Variants in NEK10 observed in about 807,000 individuals in gnomAD.
NEK10 encodes the protein serine/threonine-protein kinase Nek10.
NEK10 carries 122 observed loss-of-function variants against 159.8 expected under a neutral mutation model. The ratio of observed to expected loss-of-function variants is 0.76; its 90% CI spans 0.66 to 0.89. The LOEUF (loss-of-function observed/expected upper bound fraction) is 0.89, where lower values mean the gene tolerates loss of function less well. Ranked by LOEUF, NEK10 falls within the 40% of genes least tolerant of loss-of-function variation. The pLI, the probability that NEK10 is intolerant of heterozygous loss-of-function variation, is 0.00. For missense variants in NEK10, 1,342 were observed against 1,323.1 expected (o/e 1.01, Z -0.22); for synonymous variants, 466 against 457.1 (o/e 1.02, Z -0.25).
chr3:27,309,071 C>A, intron 9 of NEK10, 66 bp from the exon 10 acceptor site: 5 of 759,554 alleles, frequency 6.6e-6, no homozygotes, highest in Non-Finnish European at 1.1e-5. Context: ...TCAACATTAA[C>A]ATTAATTTAT....
At chr3:27,356,928 T>C (rs943855332) in intron 1 of NEK10, among the ~76,000 whole-genome samples, 1 of 152,204 alleles carries the variant, frequency 6.6e-6, no homozygotes, top group African/African-American at 2.4e-5. Flanking sequence ...CAGCACATAG[T>C]GCATGACACA....
chr3:27,128,855 G>A (rs776267597), intron 32 of NEK10, among the ~76,000 whole-genome samples: 1 of 152,074 alleles, frequency 6.6e-6, no homozygotes, highest in Non-Finnish European at 1.5e-5. Context: ...ATCTTGTACA[G>A]TTCCTGCTCT....
intron 23 of NEK10, among the ~76,000 whole-genome samples, chr3:27,223,241 TTTCC>T (rs1952296489): frequency 6.6e-6 from 1 of 152,202 alleles, no homozygotes; most frequent in African/African-American, 2.4e-5. Context: ...TCAACGGCTC[TTTCC>T]TGTCTGGAAA....
intron 1 of NEK10, among the ~76,000 whole-genome samples, chr3:27,357,672 T>C (rs1461917165): frequency 6.6e-6 from 1 of 152,246 alleles, no homozygotes; most frequent in East Asian, 1.9e-4. Context: ...CTTTATCTGC[T>C]CATGGACCAG....
intron 1 of NEK10, among the ~76,000 whole-genome samples, chr3:27,365,920 C>CATGT (rs2049048822): frequency 6.6e-6 from 1 of 151,980 alleles, no homozygotes. Flanking sequence ...AATCATGATA[C>CATGT]ATATCAGGCA....
intron 32 of NEK10, among the ~76,000 whole-genome samples, chr3:27,120,145 A>G (rs1164401128): frequency 6.6e-6 from 1 of 152,194 alleles, no homozygotes; most frequent in African/African-American, 2.4e-5. Context: ...AAAAATGAAT[A>G]TAAAAATACT....
chr3:27,163,363 T>C (rs1470857271), intron 29 of NEK10, among the ~76,000 whole-genome samples: 1 of 152,058 alleles, frequency 6.6e-6, no homozygotes, highest in Non-Finnish European at 1.5e-5. Context: ...ATTTTTCTTT[T>C]TTTTTTTGAG....
At chr3:27,339,320 A>C (rs2047034892) in intron 5 of NEK10, among the ~76,000 whole-genome samples, 1 of 152,238 alleles carries the variant, frequency 6.6e-6, no homozygotes, top group Non-Finnish European at 1.5e-5. Flanking sequence ...TCTAATATCC[A>C]GAATCTACAA....
rs372553002 is a variant in NEK10, at chr3:27,284,495, T to C, written c.2014+107A>G. The C allele has an allele frequency of 3.7e-5, 25 of 681,006 alleles. No individual in the cohort carries two copies. The East Asian group carries it at 4.7e-4, about 13-fold the overall frequency. The allele number at this position is 681,006 out of a possible 1,614,324, so 42.2% of individuals were successfully genotyped here. ...CTAGTGGCTACTGTATTGGACAGCA[T>C]AGACAAAGAACATTCCCATGAGTGC... On this transcript the variant is annotated intron_variant, in intron 22 of 35. Transcript: ENST00000691995.
In NEK10 at chr3:27,311,996, A is replaced by C. The variant is rs375657205; in HGVS notation, c.568+103T>G. ...CTCAACACCTGAGCTGTGTGTGCGAACATTAATAAATATTTAAAGTATCCT... is the reference window on the plus strand; with the variant it reads ...CTCAACACCTGAGCTGTGTGTGCGACCATTAATAAATATTTAAAGTATCCT... On this transcript the variant is annotated intron_variant, in intron 8 of 35. Transcript: ENST00000691995. The C allele has an allele frequency of 1.5e-4, 112 of 768,872 alleles. 1 individual carries two copies. The African/African-American group carries it at 1.6e-3, about 11-fold the overall frequency. The allele number at this position is 768,872 out of a possible 1,614,324, so 47.6% of individuals were successfully genotyped here.
chr3:27,139,743 G>C (rs532962911), intron 31 of NEK10, among the ~76,000 whole-genome samples: 1 of 152,246 alleles, frequency 6.6e-6, no homozygotes, highest in East Asian at 1.9e-4. Context: ...GAGCTTCTCT[G>C]GCATGTAAAG....
At chr3:27,275,761 A>AT (rs2041723959) in intron 22 of NEK10, among the ~76,000 whole-genome samples, 1 of 152,116 alleles carries the variant, frequency 6.6e-6, no homozygotes, top group African/African-American at 2.4e-5. Context: ...AATGACACAA[A>AT]TTTCTCAGCC....
At chr3:27,323,916 C>T (rs557273260) in intron 5 of NEK10, among the ~76,000 whole-genome samples, 1 of 152,302 alleles carries the variant, frequency 6.6e-6, no homozygotes, top group African/African-American at 2.4e-5. Flanking sequence ...CTAGCAGCTA[C>T]TCAAATATAT....
chr3:27,213,920 C>A (rs1280622830), intron 23 of NEK10, among the ~76,000 whole-genome samples: 1 of 152,156 alleles, frequency 6.6e-6, no homozygotes, highest in Admixed American at 6.5e-5. Flanking sequence ...TTTTTCTGAT[C>A]CTGAAGAGAT....
chr3:27,111,102 C>A lies in NEK10; in HGVS notation c.*170G>T, dbSNP rs1204936881. On this transcript the variant is annotated 3_prime_UTR_variant, in exon 36 of 36. Transcript: ENST00000691995. Reference sequence around the variant, plus strand: ...TGAAGCCCTCAAGTACCGCAGCTGTCATATACTCCAGCACAGGACCCCCAG... The same window carrying A: ...TGAAGCCCTCAAGTACCGCAGCTGTAATATACTCCAGCACAGGACCCCCAG... 1.2e-5 allele frequency: 6 copies of A among 514,440 alleles called. No homozygotes were observed. The highest frequency in any genetic ancestry group is 2.1e-5 in the Non-Finnish European group (6 of 290,956). The allele number at this position is 514,440 out of a possible 1,614,324, so 31.9% of individuals were successfully genotyped here.
chr3:27,158,235 C>T (rs1307568980), intron 30 of NEK10, among the ~76,000 whole-genome samples: 1 of 151,858 alleles, frequency 6.6e-6, no homozygotes, highest in Non-Finnish European at 1.5e-5. Flanking sequence ...TAATTATATG[C>T]CAAATTATAT....
chr3:27,204,632 C>T (rs1481844718), intron 23 of NEK10, among the ~76,000 whole-genome samples: 2 of 116,818 alleles, frequency 1.7e-5, no homozygotes, highest in Non-Finnish European at 3.5e-5. Flanking sequence ...CTACAAAGGA[C>T]ATGAACTCAT....
intron 20 of NEK10, among the ~76,000 whole-genome samples, chr3:27,287,473 C>G (rs537595296): frequency 1.7e-4 from 26 of 152,214 alleles, no homozygotes; most frequent in African/African-American, 6.3e-4. Flanking sequence ...TTTGTTCATG[C>G]GTTTTTCACA....
chr3:27,326,742 G>T (rs1015836537), intron 5 of NEK10, among the ~76,000 whole-genome samples: 1 of 152,034 alleles, frequency 6.6e-6, no homozygotes, highest in Non-Finnish European at 1.5e-5. Context: ...ATATTTCTAC[G>T]CGGCCTCTGC....
Sources: gnomAD v4.1 joint callset for allele counts (sites outside exome capture counted in the v4.1 genomes callset) on GRCh38, gnomAD v4.1.1 for gene constraint, MANE v1.5 for transcripts, NCBI Gene and HGNC (gene_info 2026-07-23, HGNC 2026-07-21) for gene names.